Variants in SLC25A48 observed in about 807,000 individuals in gnomAD.
SLC25A48 encodes solute carrier family 25 member 48.
A neutral mutation model predicts 32.2 loss-of-function variants in SLC25A48; 29 were observed. That is an observed-to-expected ratio of 0.90 (90% CI 0.67 to 1.23). The LOEUF is 1.23. SLC25A48 is among the 50% of genes most tolerant of loss of function. SLC25A48 has a pLI of 0.00. For synonymous variants in SLC25A48, 164 were observed against 172.3 expected (o/e 0.95, Z 0.38); for missense variants, 399 against 422.7 (o/e 0.94, Z 0.49).
chr5:135,632,388 C>T (rs1376675516), intron 2 of SLC25A48, among the ~76,000 whole-genome samples: 1 of 152,116 alleles, frequency 6.6e-6, no homozygotes, highest in East Asian at 1.9e-4. Context: ...GGAGTGGTAG[C>T]CTGGACTCAA....
chr5:135,732,700 G>C (rs977882092), intron 3 of SLC25A48, among the ~76,000 whole-genome samples: 1 of 152,136 alleles, frequency 6.6e-6, no homozygotes, highest in African/African-American at 2.4e-5. Context: ...GAATAGAAGG[G>C]GCCTGTGAGG....
chr5:135,605,559 T>A (rs1250597556), intron 1 of SLC25A48, among the ~76,000 whole-genome samples: 1 of 152,238 alleles, frequency 6.6e-6, no homozygotes, highest in East Asian at 1.9e-4. Context: ...CACTCTTGAT[T>A]TAGCTTACCT....
intron 6 of SLC25A48, among the ~76,000 whole-genome samples, chr5:135,876,549 T>C (rs1762072022): frequency 6.6e-6 from 1 of 152,120 alleles, no homozygotes; most frequent in Non-Finnish European, 1.5e-5. Flanking sequence ...AAATTGGTAA[T>C]GTATGAACAT....
At chr5:135,715,060 T>C (rs1275831261) in intron 3 of SLC25A48, among the ~76,000 whole-genome samples, 1 of 152,006 alleles carries the variant, frequency 6.6e-6, no homozygotes, top group African/African-American at 2.4e-5. Context: ...TGGGGCCGCA[T>C]TGGAGAGGCA....
intron 2 of SLC25A48, among the ~76,000 whole-genome samples, chr5:135,630,800 C>T (rs998629181): frequency 4.0e-5 from 6 of 151,860 alleles, no homozygotes; most frequent in African/African-American, 1.5e-4. Flanking sequence ...TGGGGTTTCA[C>T]CATGTTGGCC....
At chr5:135,695,434 G>A (rs951903967) in intron 3 of SLC25A48, among the ~76,000 whole-genome samples, 1 of 152,240 alleles carries the variant, frequency 6.6e-6, no homozygotes, top group Non-Finnish European at 1.5e-5. Flanking sequence ...TGGGTTTCCT[G>A]GGATCAGATA....
At chr5:135,850,079 C>T (rs1192455519) in intron 2 of SLC25A48, among the ~76,000 whole-genome samples, 1 of 152,070 alleles carries the variant, frequency 6.6e-6, no homozygotes, top group Non-Finnish European at 1.5e-5. Context: ...AGCAGGTGTC[C>T]CCCAAATATA....
At chr5:135,630,856 C>T (rs572926690) in intron 2 of SLC25A48, among the ~76,000 whole-genome samples, 1 of 152,014 alleles carries the variant, frequency 6.6e-6, no homozygotes, top group Admixed American at 6.6e-5. Flanking sequence ...CCTGCCTTGG[C>T]CTCCCAAAGG....
intron 5 of SLC25A48, among the ~76,000 whole-genome samples, chr5:135,873,739 G>A (rs758659702): frequency 7.9e-5 from 12 of 152,130 alleles, no homozygotes; most frequent in Admixed American, 3.9e-4. Context: ...AATGCTTCAC[G>A]TTCATCAATT....
At chr5:135,760,379 G>C (rs902770340) in intron 3 of SLC25A48, among the ~76,000 whole-genome samples, 15 of 152,186 alleles carry the variant, frequency 9.9e-5, no homozygotes, top group East Asian at 1.9e-4. Context: ...TGGGATCCCA[G>C]TGGTCTGGGT....
At chr5:135,769,933 G>A (rs562221247) in intron 3 of SLC25A48, among the ~76,000 whole-genome samples, 4 of 150,134 alleles carry the variant, frequency 2.7e-5, no homozygotes, top group African/African-American at 9.8e-5. Context: ...GTAATATCCA[G>A]GGGGGAGAAA....
At chr5:135,648,626 T>G (rs1215155845) in intron 3 of SLC25A48, 2 of 152,214 alleles carry the variant, frequency 1.3e-5, no homozygotes, top group Admixed American at 1.3e-4. Flanking sequence ...TTTCTCTAGC[T>G]TAAGGGCCTA....
intron 3 of SLC25A48, among the ~76,000 whole-genome samples, chr5:135,787,636 CTG>C (rs1367522544): frequency 1.3e-5 from 2 of 151,870 alleles, no homozygotes; most frequent in Non-Finnish European, 2.9e-5. Context: ...AGTGTATACT[CTG>C]TGATATTATT....
chr5:135,805,034 A>C (rs1279486679), intron 3 of SLC25A48, among the ~76,000 whole-genome samples: 5 of 151,350 alleles, frequency 3.3e-5, no homozygotes, highest in African/African-American at 1.2e-4. Flanking sequence ...AATATTATTC[A>C]TAGTATCCTA....
chr5:135,635,252 C>T (rs1249115238), intron 3 of SLC25A48, among the ~76,000 whole-genome samples: 1 of 152,202 alleles, frequency 6.6e-6, no homozygotes, highest in Non-Finnish European at 1.5e-5. Context: ...ATCAGGAAAT[C>T]ATCTCAAGAC....
At chr5:135,686,932 A>G (rs1374997948) in intron 3 of SLC25A48, among the ~76,000 whole-genome samples, 1 of 152,106 alleles carries the variant, frequency 6.6e-6, no homozygotes, top group Admixed American at 6.5e-5. Context: ...AACTTCAAAG[A>G]AAGGGAAAGG....
At chr5:135,852,942 G>C (rs1427420086) in intron 4 of SLC25A48, 121 bp downstream of exon 4, 12 of 1,338,176 alleles carry the variant, frequency 9.0e-6, no homozygotes, top group Non-Finnish European at 1.2e-5. Context: ...TTGTCACCTA[G>C]TAGTCCGTAA....
chr5:135,632,947 G>A (rs1003778745), intron 2 of SLC25A48, among the ~76,000 whole-genome samples: 5 of 152,196 alleles, frequency 3.3e-5, no homozygotes, highest in African/African-American at 1.2e-4. Context: ...GGCAGGGTGA[G>A]GAAAATGAGC....
intron 3 of SLC25A48, among the ~76,000 whole-genome samples, chr5:135,687,674 A>C (rs1051586981): frequency 6.6e-6 from 1 of 152,192 alleles, no homozygotes; most frequent in African/African-American, 2.4e-5. Context: ...CTTTGTAAAC[A>C]GACATTGTTT....
Sources: allele counts gnomAD v4.1 joint callset (sites outside exome capture counted in the v4.1 genomes callset), GRCh38; gene constraint gnomAD v4.1.1; transcripts MANE v1.5; gene names NCBI Gene and HGNC (gene_info 2026-07-23, HGNC 2026-07-21).